ZNF362: variants seen among roughly 807,000 people sequenced by gnomAD.
ZNF362 encodes the protein zinc finger protein 362.
In ZNF362, 11 loss-of-function variants were observed where a neutral mutation model predicts 42.9. That is an observed-to-expected ratio of 0.26 (90% CI 0.16 to 0.42). The LOEUF is 0.42. Among genes scored for constraint, ZNF362 ranks in the 20% least tolerant of loss-of-function variants. The pLI is 1.00. For missense variants in ZNF362, 362 were observed against 576.2 expected (o/e 0.63, Z 3.81); for synonymous variants, 255 against 257.3 (o/e 0.99, Z 0.09).
At chr1:33,133,964 G>GC in the ZNF362 span, among the ~76,000 whole-genome samples, 2 of 152,244 alleles carry the variant, frequency 1.3e-5, no homozygotes, top group Non-Finnish European at 2.9e-5. Context: ...AACCTGGCGA[G>GC]CTGCCTCTGC....
Position 33,298,938 on chromosome 1 carries a change from C to T in ZNF362, c.1155C>T (p.Tyr385=), listed in dbSNP as rs1474522481. ...MCGRAYTSET[Y]LMKHMSKHTV... ...CTCATCCCTGCCCACAGGAGACCTACCTGATGAAGCACATGTCCAAACACA... is the reference window on the plus strand; with the variant it reads ...CTCATCCCTGCCCACAGGAGACCTATCTGATGAAGCACATGTCCAAACACA... The change falls in exon 9 of 9, where the codon TAC becomes TAT. Residue 385 remains tyrosine (Y), a synonymous_variant. Coordinates refer to ENST00000539719, the MANE Select transcript of ZNF362 (RefSeq NM_152493.3). 1.4e-5 allele frequency: 23 copies of T among 1,613,800 alleles called. No homozygotes were observed. Among genetic ancestry groups the T allele is most frequent in the Non-Finnish European group, 1.8e-5 (21 of 1,179,954 alleles).
Position 33,281,934 on chromosome 1 carries a change from C to A in ZNF362, c.908+123C>A. The A allele has an allele frequency of 2.0e-6, 2 of 987,012 alleles. No individual in the cohort carries two copies. Among genetic ancestry groups the A allele is most frequent in the Non-Finnish European group, 3.0e-6 (2 of 658,966 alleles). 61.1% of individuals were successfully genotyped at this position (987,012 alleles called of 1,614,324 possible). A position where few individuals can be genotyped will look rare whatever the true frequency, so the allele number is the denominator to read the frequency against. Reference sequence around the variant, plus strand: ...CAGGTGCCCATTGCCCTCGGGGTCACGGCCCTTGTGGACCTCACTGGCCTC... The same window carrying A: ...CAGGTGCCCATTGCCCTCGGGGTCAAGGCCCTTGTGGACCTCACTGGCCTC... On this transcript the variant is annotated intron_variant, in intron 6 of 8. Transcript: ENST00000539719. This position sits in a 1 kb window ranked among gnomAD's most constrained non-coding sequence, Gnocchi z 4.8.
the ZNF362 span, chr1:33,176,530 C>T: frequency 1.5e-6 from 1 of 647,924 alleles, no homozygotes; most frequent in Non-Finnish European, 2.9e-6. Flanking sequence ...GATCCCCTCT[C>T]TGGGGGTTAG....
chr1:33,231,400 G>C, the ZNF362 span, among the ~76,000 whole-genome samples: 1 of 152,164 alleles, frequency 6.6e-6, no homozygotes. Context: ...ATTTTCTCGT[G>C]CTTTAGCTAT....
chr1:33,241,174 C>G, the ZNF362 span, among the ~76,000 whole-genome samples: 1 of 151,296 alleles, frequency 6.6e-6, no homozygotes, highest in African/African-American at 2.4e-5. Flanking sequence ...GTCCTGATCA[C>G]TGGAGAGTAA....
At chr1:33,202,973 C>T in the ZNF362 span, among the ~76,000 whole-genome samples, 1 of 152,126 alleles carries the variant, frequency 6.6e-6, no homozygotes, top group Non-Finnish European at 1.5e-5. Flanking sequence ...CAAATAGTTA[C>T]TCCTTTCCTT....
At position 33,280,044 on chromosome 1, in the gene ZNF362, A is replaced by G. The variant is rs939722424; in HGVS notation, c.350-80A>G. ...AACGTTAAGGGGATGCTCGCCTGCC[A>G]AAATCACATAGCTGGGTGGGCAGCT... On this transcript the variant is annotated intron_variant, in intron 4 of 8. Coordinates refer to ENST00000539719, the MANE Select transcript of ZNF362 (RefSeq NM_152493.3). This position sits in a 1 kb window ranked among gnomAD's most constrained non-coding sequence, Gnocchi z 5.6. The G allele has an allele frequency of 1.7e-5, 25 of 1,481,730 alleles. No homozygotes were observed. Among genetic ancestry groups the G allele is most frequent in the Non-Finnish European group, 2.2e-5 (24 of 1,114,990 alleles). The allele number at this position is 1,481,730 out of a possible 1,614,324, so 91.8% of individuals were successfully genotyped here. A position where few individuals can be genotyped will look rare whatever the true frequency, so the allele number is the denominator to read the frequency against.
At chr1:33,254,367 C>T (rs1048841479), upstream of ZNF362, among the ~76,000 whole-genome samples, 3 of 152,146 alleles carry the variant, frequency 2.0e-5, no homozygotes, top group African/African-American at 4.8e-5. Flanking sequence ...GTGATCCTCC[C>T]GCCTCGGCCT....
the ZNF362 span, chr1:33,146,338 C>T: frequency 5.9e-6 from 1 of 170,112 alleles, no homozygotes; most frequent in Non-Finnish European, 1.3e-5. Flanking sequence ...ACAACTGCTT[C>T]TGGAAGCCTC....
At chr1:33,184,506 G>T in the ZNF362 span, among the ~76,000 whole-genome samples, 1 of 152,174 alleles carries the variant, frequency 6.6e-6, no homozygotes, top group Non-Finnish European at 1.5e-5. Context: ...AATAGAAATA[G>T]ACCTTAAGGC....
rs1330034774 is a variant in ZNF362, at chr1:33,294,446, G to C, written c.909-491G>C. On this transcript the variant is annotated intron_variant, in intron 6 of 8. Coordinates refer to ENST00000539719, the MANE Select transcript of ZNF362 (RefSeq NM_152493.3). This position sits in a 1 kb window ranked among gnomAD's most constrained non-coding sequence, Gnocchi z 4.2. ...TCCCATTTACTGGGGTGACCATGCA[G>C]CTGTCACGGAGATGTGCCTGACATG... Among the ~76,000 whole-genome samples the C allele has an allele frequency of 6.6e-6, 1 of 152,200 alleles. No individual in the cohort carries two copies. The highest frequency in any genetic ancestry group is 2.4e-5 in the African/African-American group (1 of 41,440).
At chr1:33,187,329 G>A in the ZNF362 span, among the ~76,000 whole-genome samples, 1 of 152,188 alleles carries the variant, frequency 6.6e-6, no homozygotes, top group Non-Finnish European at 1.5e-5. Flanking sequence ...CAATGGCAGG[G>A]CATTGACAGT....
chr1:33,198,517 AT>A, the ZNF362 span, among the ~76,000 whole-genome samples: 1 of 152,092 alleles, frequency 6.6e-6, no homozygotes, highest in South Asian at 2.1e-4. Flanking sequence ...AAATACAAAA[AT>A]TAGCTGAGTA....
In ZNF362 at chr1:33,280,097, C is replaced by T. The variant is rs1292894675; in HGVS notation, c.350-27C>T. On this transcript the variant is annotated intron_variant, in intron 4 of 8. Coordinates refer to ENST00000539719, the MANE Select transcript of ZNF362 (RefSeq NM_152493.3). The surrounding 1 kb of genome is among the most constrained non-coding windows in gnomAD (Gnocchi z 5.6). ...GCTGGCCTCTGCAGCTCCGCTCACCCCTGCCCCCACCCACCTGTCTTCGCA... is the reference window on the plus strand; with the variant it reads ...GCTGGCCTCTGCAGCTCCGCTCACCTCTGCCCCCACCCACCTGTCTTCGCA... 2 of 1,542,454 alleles carry T rather than the reference C, an allele frequency of 1.3e-6. No individual in the cohort carries two copies. Among genetic ancestry groups the T allele is most frequent in the Admixed American group, 3.8e-5 (2 of 53,126 alleles).
the ZNF362 span, among the ~76,000 whole-genome samples, chr1:33,226,373 A>C: frequency 6.6e-6 from 1 of 152,204 alleles, no homozygotes; most frequent in African/African-American, 2.4e-5. Flanking sequence ...GGTTTTTAAA[A>C]ATTGGCCACA....
intron 2 of ZNF362, among the ~76,000 whole-genome samples, chr1:33,271,542 A>G (rs1383607218): frequency 6.6e-6 from 1 of 152,186 alleles, no homozygotes; most frequent in African/African-American, 2.4e-5. Flanking sequence ...GAACCCGGGT[A>G]TGTTGGGCTG....
the ZNF362 span, among the ~76,000 whole-genome samples, chr1:33,226,385 A>G: frequency 1.3e-5 from 2 of 152,218 alleles, no homozygotes; most frequent in East Asian, 3.8e-4. Context: ...TTGGCCACAA[A>G]ACTTTCACAT....
chr1:33,258,594 A>T (rs4653349), intron 1 of ZNF362, among the ~76,000 whole-genome samples: 1 of 152,006 alleles, frequency 6.6e-6, no homozygotes, highest in African/African-American at 2.4e-5. Flanking sequence ...GGAGACTGAG[A>T]CCGGGACCTG....
the ZNF362 span, among the ~76,000 whole-genome samples, chr1:33,133,682 G>A: frequency 1.3e-5 from 2 of 152,218 alleles, no homozygotes; most frequent in African/African-American, 4.8e-5. Context: ...GGGGTGTTAG[G>A]GCAAGGGCAG....
Sources: gnomAD v4.1 joint callset for allele counts (sites outside exome capture counted in the v4.1 genomes callset) on GRCh38, gnomAD v4.1.1 for gene constraint, Gnocchi (gnomAD v3.1) non-coding constraint, MANE v1.5 for transcripts, NCBI Gene and HGNC (gene_info 2026-07-23, HGNC 2026-07-21) for gene names.